RAD51B: variants seen among roughly 807,000 people sequenced by gnomAD.
RAD51B encodes the protein RAD51 paralog B.
In RAD51B, 38 loss-of-function variants were observed where a neutral mutation model predicts 42.2. The observed-to-expected ratio is 0.90, with a 90% CI of 0.70 to 1.18. The LOEUF is 1.18. Among genes scored for constraint, RAD51B ranks in the 50% most tolerant of loss-of-function variants. RAD51B has a pLI of 0.00. For synonymous variants in RAD51B, 154 were observed against 145.2 expected (o/e 1.06, Z -0.43); for missense variants, 373 against 400.7 (o/e 0.93, Z 0.59).
intron 10 of RAD51B, among the ~76,000 whole-genome samples, chr14:68,591,809 G>A (rs185113205): frequency 2.0e-5 from 3 of 152,180 alleles, no homozygotes; most frequent in African/African-American, 7.2e-5. Context: ...GCCACTGGAT[G>A]TGCAGTCCTG....
At chr14:68,018,098 G>A (rs1346263192) in intron 7 of RAD51B, among the ~76,000 whole-genome samples, 1 of 152,230 alleles carries the variant, frequency 6.6e-6, no homozygotes, top group African/African-American at 2.4e-5. Flanking sequence ...CTAAAATTGA[G>A]TCTGGGTCTG....
At chr14:68,648,031 A>ATATATACG (rs1892601170) in intron 10 of RAD51B, among the ~76,000 whole-genome samples, 1 of 105,354 alleles carries the variant, frequency 9.5e-6, no homozygotes, top group African/African-American at 3.7e-5. Context: ...ACGTATATAT[A>ATATATACG]TATATACACA....
chr14:68,540,619 C>A (rs1266292532), intron 10 of RAD51B: 1 of 985,322 alleles, frequency 1.0e-6, no homozygotes, highest in Non-Finnish European at 1.2e-6. Flanking sequence ...ACCCCCCAAC[C>A]CAAAGAAAGT....
chr14:68,632,585 T>C (rs146795531), intron 10 of RAD51B, among the ~76,000 whole-genome samples: 143 of 152,292 alleles, frequency 9.4e-4, no homozygotes, highest in African/African-American at 3.2e-3. Flanking sequence ...AGGCCAGCTG[T>C]GAATGAGGAG....
intron 7 of RAD51B, among the ~76,000 whole-genome samples, chr14:68,264,202 C>T (rs943284493): frequency 2.0e-5 from 3 of 152,150 alleles, no homozygotes; most frequent in South Asian, 2.1e-4. Flanking sequence ...GTTAAATTAG[C>T]AGGACTGTTT....
At chr14:68,351,653 GA>G (rs1290290386) in intron 8 of RAD51B, among the ~76,000 whole-genome samples, 1 of 152,206 alleles carries the variant, frequency 6.6e-6, no homozygotes, top group Non-Finnish European at 1.5e-5. Flanking sequence ...AGGAGGCATT[GA>G]TTAGAGGAGA....
intron 7 of RAD51B, among the ~76,000 whole-genome samples, chr14:67,980,469 T>A (rs2075071701): frequency 6.6e-6 from 1 of 151,832 alleles, no homozygotes; most frequent in Non-Finnish European, 1.5e-5. Flanking sequence ...GTGGAAAAAA[T>A]TAGAGGACTA....
chr14:68,244,696 A>G (rs533289826), intron 7 of RAD51B, among the ~76,000 whole-genome samples: 20 of 152,306 alleles, frequency 1.3e-4, no homozygotes, highest in African/African-American at 4.6e-4. Flanking sequence ...AATCGAAACA[A>G]AAGATGGAAA....
At chr14:67,839,307 C>T (rs1033626625) in intron 4 of RAD51B, among the ~76,000 whole-genome samples, 1 of 151,930 alleles carries the variant, frequency 6.6e-6, no homozygotes, top group African/African-American at 2.4e-5. Context: ...ATTGTCTGAT[C>T]TTGATATTTT....
chr14:67,877,770 C>T (rs999684182), intron 5 of RAD51B, among the ~76,000 whole-genome samples: 1 of 152,132 alleles, frequency 6.6e-6, no homozygotes. Flanking sequence ...ACAAGGGATC[C>T]CCTTGCTTTA....
intron 8 of RAD51B, among the ~76,000 whole-genome samples, chr14:68,340,674 T>C (rs1293052915): frequency 6.6e-6 from 1 of 152,252 alleles, no homozygotes; most frequent in Non-Finnish European, 1.5e-5. Context: ...TATTACTATT[T>C]TTGTATGCCT....
intron 7 of RAD51B, among the ~76,000 whole-genome samples, chr14:68,080,029 C>A (rs2076890012): frequency 6.6e-6 from 1 of 152,182 alleles, no homozygotes; most frequent in Non-Finnish European, 1.5e-5. Context: ...GACATAGGAA[C>A]AAAACAGGGC....
chr14:68,049,576 T>C (rs2140415795), intron 7 of RAD51B, among the ~76,000 whole-genome samples: 1 of 152,296 alleles, frequency 6.6e-6, no homozygotes, highest in South Asian at 2.1e-4. Context: ...TCCGAGTTGC[T>C]CGTCACCCTG....
At chr14:68,096,896 A>G (rs750531895) in intron 7 of RAD51B, among the ~76,000 whole-genome samples, 2 of 152,162 alleles carry the variant, frequency 1.3e-5, no homozygotes, top group Admixed American at 6.5e-5. Context: ...TTATTTTGTC[A>G]GTAATGAATG....
chr14:68,679,767 T>A (rs1184280966), intron 11 of RAD51B, among the ~76,000 whole-genome samples: 2 of 152,210 alleles, frequency 1.3e-5, no homozygotes, highest in African/African-American at 4.8e-5. Flanking sequence ...GGAATTAGCA[T>A]CTCCTCTTCC....
chr14:68,098,926 A>G (rs1334607179), intron 7 of RAD51B, among the ~76,000 whole-genome samples: 1 of 152,180 alleles, frequency 6.6e-6, no homozygotes, highest in Non-Finnish European at 1.5e-5. Flanking sequence ...GGGCAGAGAG[A>G]ACAGCATTTC....
intron 7 of RAD51B, among the ~76,000 whole-genome samples, chr14:68,126,620 C>T (rs533606459): frequency 6.6e-6 from 1 of 152,276 alleles, no homozygotes; most frequent in South Asian, 2.1e-4. Context: ...CTTTTTACTT[C>T]CTTAGTACTC....
intron 8 of RAD51B, among the ~76,000 whole-genome samples, chr14:68,404,886 A>G (rs1054724637): frequency 3.3e-5 from 5 of 152,194 alleles, no homozygotes; most frequent in African/African-American, 4.8e-5. Flanking sequence ...GATCCTCATG[A>G]CACACTTCCA....
chr14:68,053,761 G>T (rs2140424889), intron 7 of RAD51B, among the ~76,000 whole-genome samples: 2 of 152,174 alleles, frequency 1.3e-5, no homozygotes, highest in South Asian at 4.2e-4. Context: ...GTATTATCTT[G>T]AATAACTCCA....
Sources: allele counts gnomAD v4.1 joint callset (sites outside exome capture counted in the v4.1 genomes callset), GRCh38; gene constraint gnomAD v4.1.1; transcripts MANE v1.5; gene names NCBI Gene and HGNC (gene_info 2026-07-23, HGNC 2026-07-21).